The following ABCA6 variants were observed in gnomAD, a reference collection of about 807,000 sequenced individuals.
ABCA6 encodes the protein ATP binding cassette subfamily A member 6.
A neutral mutation model predicts 191.2 loss-of-function variants in ABCA6; 164 were observed. The ratio of observed to expected loss-of-function variants is 0.86; its 90% CI spans 0.76 to 0.98. The LOEUF (loss-of-function observed/expected upper bound fraction) is 0.98. Ranked by LOEUF, ABCA6 falls within the 50% of genes least tolerant of loss-of-function variation. ABCA6 has a pLI of 0.00. For missense variants in ABCA6, 1,958 were observed against 1,894.1 expected (o/e 1.03, Z -0.63); for synonymous variants, 636 against 647.7 (o/e 0.98, Z 0.27).
intron 2 of ABCA6, among the ~76,000 whole-genome samples, chr17:69,139,504 G>C (rs2073997084): frequency 6.6e-6 from 1 of 152,102 alleles, no homozygotes; most frequent in African/African-American, 2.4e-5. Flanking sequence ...TGGTGGGAAT[G>C]TAAACTAGTT....
chr17:69,112,095 C>T (rs369009940), intron 16 of ABCA6, 88 bp downstream of exon 16: 11 of 969,766 alleles, frequency 1.1e-5, no homozygotes, highest in Middle Eastern at 2.2e-4. Context: ...AGATGAAGCA[C>T]GAGGCCAGTT....
chr17:69,097,628 T>C (rs1371488631), intron 23 of ABCA6, among the ~76,000 whole-genome samples: 1 of 152,196 alleles, frequency 6.6e-6, no homozygotes, highest in African/African-American at 2.4e-5. Flanking sequence ...GATTTCCTTC[T>C]TGTGGCTGGG....
chr17:69,099,957 G>C (rs967687835), intron 22 of ABCA6, among the ~76,000 whole-genome samples: 1 of 151,924 alleles, frequency 6.6e-6, no homozygotes, highest in African/African-American at 2.4e-5. Context: ...TTCTAATCCT[G>C]CTTCTTGATG....
chr17:69,140,512 C>A (rs2074010525), intron 2 of ABCA6, 96 bp downstream of exon 2: 2 of 582,838 alleles, frequency 3.4e-6, no homozygotes, highest in Non-Finnish European at 5.5e-6. Flanking sequence ...ATCAATAAAT[C>A]CCATCTACTA....
intron 1 of ABCA6, 37 bp from the exon 2 acceptor site, chr17:69,140,785 C>T (rs1207240371): frequency 6.1e-6 from 5 of 822,250 alleles, no homozygotes; most frequent in Non-Finnish European, 9.0e-6. Flanking sequence ...AAACCTTGAT[C>T]ATAGTGTTGA....
At chr17:69,082,024 T>C (rs2072647681) in intron 36 of ABCA6, among the ~76,000 whole-genome samples, 1 of 152,148 alleles carries the variant, frequency 6.6e-6, no homozygotes, top group Admixed American at 6.5e-5. Flanking sequence ...GCACTAAGGT[T>C]GACCAGATGT....
chr17:69,114,330 C>T (rs1372472883), intron 13 of ABCA6, among the ~76,000 whole-genome samples: 22 of 147,740 alleles, frequency 1.5e-4, no homozygotes, highest in African/African-American at 5.3e-4. Flanking sequence ...AACCAAACAC[C>T]GCATGTTCTC....
intron 26 of ABCA6, 80 bp from the exon 27 acceptor site, chr17:69,089,622 C>T: frequency 8.4e-7 from 1 of 1,185,336 alleles, no homozygotes; most frequent in East Asian, 2.4e-5. Context: ...ATATAAAATT[C>T]ACATATTGAA....
chr17:69,113,445 TA>T, intron 14 of ABCA6, 85 bp from the exon 15 acceptor site: 1 of 1,516,250 alleles, frequency 6.6e-7, no homozygotes, highest in Admixed American at 2.2e-5. Context: ...ATAAATACCA[TA>T]AAATAATAAC....
In ABCA6 at chr17:69,087,492, G is replaced by A. The variant is rs754147174; in HGVS notation, c.3699-19C>T. 4 of 1,612,702 alleles carry A rather than the reference G, an allele frequency of 2.5e-6. No individual in the cohort carries two copies. The Admixed American group carries it at 6.7e-5, about 27-fold the overall frequency. On this transcript the variant is annotated intron_variant, in intron 28 of 38. Coordinates refer to ENST00000284425, the MANE Select transcript of ABCA6 (RefSeq NM_080284.3). ...GGAAATTCTATGGAGAAAATGAAAT[G>A]TGTTACATGTGGTATTCTAGCTGTT...
intron 25 of ABCA6, among the ~76,000 whole-genome samples, chr17:69,091,733 G>A (rs2072927670): frequency 1.1e-5 from 1 of 89,996 alleles, no homozygotes; most frequent in Non-Finnish European, 2.3e-5. Context: ...CGTTTTAGCC[G>A]GGATGGTCTC....
At chr17:69,090,474 T>C (rs976909520) in intron 26 of ABCA6, among the ~76,000 whole-genome samples, 12 of 152,238 alleles carry the variant, frequency 7.9e-5, no homozygotes, top group African/African-American at 2.7e-4. Flanking sequence ...TAGCCATGTA[T>C]TTAAATATAA....
At chr17:69,135,988 G>A (rs2144721415) in intron 4 of ABCA6, 104 bp downstream of exon 4, 1 of 1,116,546 alleles carries the variant, frequency 9.0e-7, no homozygotes, top group East Asian at 2.5e-5. Flanking sequence ...GGCTTTCCCT[G>A]TTTTCTCATG....
rs1397886739 is a variant in ABCA6, at chr17:69,112,240, T to C, written c.2075A>G (p.Lys692Arg). The change falls in exon 16 of 39, where the codon AAG becomes AGG. Residue 692 changes from lysine (K) to arginine (R), a missense_variant. By Grantham distance (26) the Lys-to-Arg change is conservative. Transcript: ENST00000284425. Reference sequence around the variant, plus strand: ...CAAAAACATAGAAGAACCTGCACACTTCAGTCTCCCATTGGACATGATCAC... The same window carrying C: ...CAAAAACATAGAAGAACCTGCACACCTCAGTCTCCCATTGGACATGATCAC... ...RKVIMSNGRL[K>R]CAGSSMFLKR... The C allele has an allele frequency of 2.5e-6, 4 of 1,612,584 alleles. No individual in the cohort carries two copies. The highest frequency in any genetic ancestry group is 3.4e-6 in the Non-Finnish European group (4 of 1,179,092).
chr17:69,105,386 TCC>T, intron 20 of ABCA6, 74 bp downstream of exon 20: 4 of 1,324,080 alleles, frequency 3.0e-6, no homozygotes, highest in Non-Finnish European at 4.1e-6. Context: ...ATGATTCACT[TCC>T]CCCCCCCACC....
At chr17:69,088,413 G>T (rs1335039314) in intron 27 of ABCA6, among the ~76,000 whole-genome samples, 155 bp from the exon 28 acceptor site, 1 of 152,130 alleles carries the variant, frequency 6.6e-6, no homozygotes, top group East Asian at 1.9e-4. Flanking sequence ...CACAATCCAG[G>T]TTAGTGAAAC....
rs186821258 is a variant in ABCA6 at position 69,137,890 on chromosome 17, T to C, written c.97-390A>G. Among the ~76,000 whole-genome samples the C allele has an allele frequency of 2.6e-3, 397 of 152,294 alleles. 2 individuals carry two copies. Among genetic ancestry groups the C allele is most frequent in the African/African-American group, 9.3e-3 (387 of 41,574 alleles). ...TTTTGCCAGTTGTCATATCCTTGTA[T>C]TGTAAACTAAAGAAAATGAAAAGGA... On this transcript the variant is annotated intron_variant, in intron 2 of 38. Transcript: ENST00000284425.
chr17:69,114,517 A>T (rs2073498472), intron 13 of ABCA6, among the ~76,000 whole-genome samples: 1 of 152,164 alleles, frequency 6.6e-6, no homozygotes, highest in South Asian at 2.1e-4. Context: ...ATACATATGT[A>T]ACTAACCTGC....
chr17:69,138,547 T>TC (rs2073983021), intron 2 of ABCA6, among the ~76,000 whole-genome samples: 1 of 151,816 alleles, frequency 6.6e-6, no homozygotes, highest in Non-Finnish European at 1.5e-5. Flanking sequence ...TTCAATGCCA[T>TC]CCCCATCAAG....
Sources: gnomAD v4.1 joint callset for allele counts (sites outside exome capture counted in the v4.1 genomes callset) on GRCh38, gnomAD v4.1.1 for gene constraint, MANE v1.5 for transcripts, NCBI Gene and HGNC (gene_info 2026-07-23, HGNC 2026-07-21) for gene names.